The following DLG2 variants were observed in gnomAD, a reference collection of about 807,000 sequenced individuals.
DLG2 encodes disks large homolog 2.
DLG2 carries 45 observed loss-of-function variants against 132.5 expected under a neutral mutation model. The ratio of observed to expected loss-of-function variants is 0.34; its 90% CI spans 0.27 to 0.44. The LOEUF (loss-of-function observed/expected upper bound fraction) is 0.44. DLG2 is among the 20% of genes least tolerant of loss of function. DLG2 has a pLI of 1.00. For missense variants in DLG2, 1,045 were observed against 1,196.9 expected (o/e 0.87, Z 1.87); for synonymous variants, 424 against 419.6 (o/e 1.01, Z -0.13).
chr11:83,934,466 C>T (rs2081023868), intron 14 of DLG2, among the ~76,000 whole-genome samples: 1 of 151,078 alleles, frequency 6.6e-6, no homozygotes, highest in Admixed American at 6.6e-5. Flanking sequence ...AAATTTTGCA[C>T]CCAACATGAG....
chr11:83,722,341 G>C (rs117893454), intron 18 of DLG2, among the ~76,000 whole-genome samples: 1 of 152,010 alleles, frequency 6.6e-6, no homozygotes, highest in Non-Finnish European at 1.5e-5. Context: ...GTGGTCTTAC[G>C]GCAACAATTA....
chr11:85,078,493 A>T (rs1479696549), intron 6 of DLG2, among the ~76,000 whole-genome samples: 1 of 151,958 alleles, frequency 6.6e-6, no homozygotes, highest in African/African-American at 2.4e-5. Context: ...GTAGTAAGAC[A>T]TATAGAAGGG....
At chr11:85,569,899 A>G (rs2077745934) in intron 3 of DLG2, among the ~76,000 whole-genome samples, 1 of 152,176 alleles carries the variant, frequency 6.6e-6, no homozygotes, top group Non-Finnish European at 1.5e-5. Context: ...AGGAAAATAG[A>G]TCACTATACC....
chr11:84,599,458 T>G (rs1004344022), intron 6 of DLG2, among the ~76,000 whole-genome samples: 3 of 152,124 alleles, frequency 2.0e-5, no homozygotes, highest in Non-Finnish European at 4.4e-5. Flanking sequence ...GTGCCTTGTT[T>G]TTGTGAAGAG....
At chr11:84,433,499 T>C (rs17205504) in intron 7 of DLG2, among the ~76,000 whole-genome samples, 4,936 of 152,324 alleles carry the variant, frequency 0.032, 133 homozygotes, top group South Asian at 0.15. Context: ...GAATAATTAT[T>C]TGAATGGAGG....
chr11:83,743,874 G>T (rs1487164056), intron 18 of DLG2, among the ~76,000 whole-genome samples: 1 of 152,154 alleles, frequency 6.6e-6, no homozygotes, highest in East Asian at 1.9e-4. Context: ...TTCAATAAAG[G>T]TTGGCTATAT....
At chr11:83,491,892 A>G (rs186879821) in intron 21 of DLG2, among the ~76,000 whole-genome samples, 4 of 150,580 alleles carry the variant, frequency 2.7e-5, no homozygotes, top group African/African-American at 7.3e-5. Context: ...ACTTACTTCA[A>G]TCACACTTCA....
intron 6 of DLG2, among the ~76,000 whole-genome samples, chr11:85,037,736 T>C (rs2061535533): frequency 6.6e-6 from 1 of 152,134 alleles, no homozygotes; most frequent in South Asian, 2.1e-4. Flanking sequence ...GTAACTTTAA[T>C]TCAGTTCAAA....
At chr11:84,978,900 T>C (rs2154118499) in intron 6 of DLG2, among the ~76,000 whole-genome samples, 1 of 152,164 alleles carries the variant, frequency 6.6e-6, no homozygotes, top group Middle Eastern at 3.4e-3. Flanking sequence ...GGGGAAAATT[T>C]TTGCAATCTA....
intron 6 of DLG2, among the ~76,000 whole-genome samples, chr11:84,591,311 CTTG>C (rs375493132): frequency 2.1e-3 from 311 of 145,026 alleles, no homozygotes; most frequent in African/African-American, 7.3e-3. Context: ...AAGACCATGC[CTTG>C]TTTTTTTTTT....
chr11:85,468,434 C>T (rs1360009948), intron 3 of DLG2, among the ~76,000 whole-genome samples: 1 of 152,156 alleles, frequency 6.6e-6, no homozygotes, highest in Non-Finnish European at 1.5e-5. Flanking sequence ...TTTCTGCTTT[C>T]TCTTGTGGGC....
chr11:84,978,634 C>G (rs1038755206), intron 6 of DLG2, among the ~76,000 whole-genome samples: 1 of 152,098 alleles, frequency 6.6e-6, no homozygotes, highest in African/African-American at 2.4e-5. Flanking sequence ...GAAACTGGAT[C>G]CCTTCCTTAC....
intron 6 of DLG2, among the ~76,000 whole-genome samples, chr11:84,942,865 GCTTTAATAA>G (rs2049644083): frequency 6.6e-6 from 1 of 152,000 alleles, no homozygotes; most frequent in Non-Finnish European, 1.5e-5. Context: ...CCTCTCTTTG[GCTTTAATAA>G]TATTTGCTTT....
At chr11:84,432,455 A>G (rs562321139) in intron 7 of DLG2, among the ~76,000 whole-genome samples, 1 of 152,162 alleles carries the variant, frequency 6.6e-6, no homozygotes, top group Admixed American at 6.5e-5. Flanking sequence ...TGTTACTTCT[A>G]TTTGACAGAT....
intron 8 of DLG2, among the ~76,000 whole-genome samples, chr11:84,168,033 A>G (rs2095713174): frequency 6.6e-6 from 1 of 152,266 alleles, no homozygotes; most frequent in Non-Finnish European, 1.5e-5. Context: ...AGGATATCAA[A>G]GCATTCACTT....
intron 18 of DLG2, among the ~76,000 whole-genome samples, chr11:83,770,445 C>A (rs2094349707): frequency 6.6e-6 from 1 of 151,868 alleles, no homozygotes; most frequent in Admixed American, 6.6e-5. Flanking sequence ...AACATCAAGG[C>A]CTGTCGGGTG....
At chr11:84,680,029 G>C (rs997326577) in intron 6 of DLG2, among the ~76,000 whole-genome samples, 1 of 152,014 alleles carries the variant, frequency 6.6e-6, no homozygotes, top group Non-Finnish European at 1.5e-5. Context: ...GTAATACTAG[G>C]TTATCAGGTT....
At chr11:83,893,963 C>T (rs551862347) in intron 15 of DLG2, among the ~76,000 whole-genome samples, 4 of 152,278 alleles carry the variant, frequency 2.6e-5, no homozygotes, top group Admixed American at 2.0e-4. Flanking sequence ...ACTAAATATA[C>T]CATTGGTTTG....
At chr11:85,418,987 T>C (rs943442399) in intron 3 of DLG2, among the ~76,000 whole-genome samples, 1 of 147,498 alleles carries the variant, frequency 6.8e-6, no homozygotes, top group African/African-American at 2.4e-5. Context: ...ATGCTAGCTG[T>C]CAGTAAGTTG....
Sources: allele counts gnomAD v4.1 joint callset (sites outside exome capture counted in the v4.1 genomes callset), GRCh38; gene constraint gnomAD v4.1.1; transcripts MANE v1.5; gene names NCBI Gene and HGNC (gene_info 2026-07-23, HGNC 2026-07-21).